Variants in ALK observed in about 807,000 individuals in gnomAD.
The protein encoded by ALK is ALK tyrosine kinase receptor.
Under a neutral mutation model 163.1 loss-of-function variants are expected in ALK, and 74 were observed. That is an observed-to-expected ratio of 0.45 (90% CI 0.38 to 0.55). ALK has a LOEUF of 0.55. Among genes scored for constraint, ALK ranks in the 20% least tolerant of loss-of-function variants. The pLI, the probability that ALK is intolerant of heterozygous loss-of-function variation, is 0.00. For synonymous variants in ALK, 960 were observed against 843.2 expected, an observed-to-expected ratio of 1.14 and a Z score of -2.40; for missense variants, 2,063 against 2,105.3, an observed-to-expected ratio of 0.98 and a Z score of 0.39.
At chr2:29,684,258 T>C (rs2148281241) in intron 3 of ALK, among the ~76,000 whole-genome samples, 1 of 152,234 alleles carries the variant, frequency 6.6e-6, no homozygotes, top group East Asian at 1.9e-4. Flanking sequence ...AGCTTCTTAA[T>C]ACGAGGAAGT....
chr2:29,265,054 C>A (rs1398983243), intron 11 of ALK, among the ~76,000 whole-genome samples: 1 of 152,066 alleles, frequency 6.6e-6, no homozygotes, highest in African/African-American at 2.4e-5. Flanking sequence ...GAGTCTTGCC[C>A]TGTCACCCAG....
At chr2:29,277,016 A>C (rs1471986012) in intron 9 of ALK, among the ~76,000 whole-genome samples, 3 of 152,198 alleles carry the variant, frequency 2.0e-5, no homozygotes, top group Admixed American at 1.3e-4. Context: ...GTTAGAAAAA[A>C]AGGAGAGAGA....
intron 4 of ALK, among the ~76,000 whole-genome samples, chr2:29,438,385 T>A (rs1289784314): frequency 7.4e-4 from 112 of 152,310 alleles, no homozygotes; most frequent in Non-Finnish European, 8.8e-5. Flanking sequence ...CCATAGCTAT[T>A]TGTTATTTAG....
chr2:29,871,951 G>A (rs1461408892), intron 1 of ALK, among the ~76,000 whole-genome samples: 1 of 152,166 alleles, frequency 6.6e-6, no homozygotes, highest in Non-Finnish European at 1.5e-5. Flanking sequence ...CTTCTAACAT[G>A]CCTTCCTGGC....
rs530107967 is a variant in ALK, at chr2:29,883,029, TGAAG to T, written c.667+36960_667+36963del. ...TTTATATTGATAGAGAATTTTTTCA[TGAAG>T]GAAGGAAGGAAGGGAGCAGAGGGTG... On this transcript the variant is annotated intron_variant, in intron 1 of 28. Transcript: ENST00000389048. Among the ~76,000 whole-genome samples, 154 of 148,532 alleles carry T rather than the reference TGAAG, an allele frequency of 1.0e-3. 1 individual carries two copies. The highest frequency in any genetic ancestry group is 4.2e-3 in the Admixed American group (62 of 14,758).
intron 3 of ALK, among the ~76,000 whole-genome samples, chr2:29,545,347 A>G (rs1185901375): frequency 6.6e-6 from 1 of 152,168 alleles, no homozygotes; most frequent in Non-Finnish European, 1.5e-5. Flanking sequence ...CTTATTGTTT[A>G]TTTTTCAAAC....
intron 3 of ALK, among the ~76,000 whole-genome samples, chr2:29,617,027 C>T (rs1443375173): frequency 6.6e-6 from 1 of 152,154 alleles, no homozygotes; most frequent in Non-Finnish European, 1.5e-5. Context: ...TGAATATCTA[C>T]TATGTGACAC....
At chr2:29,447,363 C>T (rs991092060) in intron 4 of ALK, among the ~76,000 whole-genome samples, 7 of 152,098 alleles carry the variant, frequency 4.6e-5, no homozygotes, top group South Asian at 4.1e-4. Flanking sequence ...GGGTAAGACG[C>T]GGACAGAGAG....
intron 1 of ALK, among the ~76,000 whole-genome samples, chr2:29,903,572 A>G (rs896901486): frequency 1.3e-5 from 2 of 152,068 alleles, no homozygotes; most frequent in Non-Finnish European, 2.9e-5. Context: ...TGGTCTATCA[A>G]TCAATTGATT....
chr2:29,385,883 C>A (rs142831070), intron 4 of ALK, among the ~76,000 whole-genome samples: 1 of 152,188 alleles, frequency 6.6e-6, no homozygotes, highest in Non-Finnish European at 1.5e-5. Flanking sequence ...CCAAAGCTAA[C>A]TCTGTGTACT....
intron 1 of ALK, among the ~76,000 whole-genome samples, chr2:29,871,743 T>C (rs1666583030): frequency 6.6e-6 from 1 of 152,200 alleles, no homozygotes; most frequent in Non-Finnish European, 1.5e-5. Context: ...CTATTTATTT[T>C]ACATAGGAGA....
chr2:29,324,681 C>T (rs1323986542), intron 6 of ALK, among the ~76,000 whole-genome samples: 1 of 152,176 alleles, frequency 6.6e-6, no homozygotes, highest in African/African-American at 2.4e-5. Flanking sequence ...TGGCCCCTTT[C>T]TAGGGAGCCA....
chr2:29,564,696 A>G (rs1674128412), intron 3 of ALK, among the ~76,000 whole-genome samples: 1 of 152,216 alleles, frequency 6.6e-6, no homozygotes, highest in South Asian at 2.1e-4. Context: ...CACTGAGGTC[A>G]TTATGCGTGA....
intron 23 of ALK, 63 bp downstream of exon 23, chr2:29,220,643 C>T (rs2148166099): frequency 1.2e-6 from 2 of 1,609,920 alleles, no homozygotes; most frequent in Non-Finnish European, 1.7e-6. Context: ...CCCACTCTTG[C>T]TCCTTCCATC....
chr2:29,531,763 C>T, intron 4 of ALK, 152 bp downstream of exon 4: 2 of 831,060 alleles, frequency 2.4e-6, no homozygotes, highest in South Asian at 2.9e-5. Flanking sequence ...AAGACACTAC[C>T]TAAGGGATAT....
chr2:29,444,612 C>T (rs1314235806), intron 4 of ALK, among the ~76,000 whole-genome samples: 1 of 152,138 alleles, frequency 6.6e-6, no homozygotes, highest in Non-Finnish European at 1.5e-5. Flanking sequence ...TTTACAATTG[C>T]ATCAGTAATT....
chr2:29,480,533 C>T (rs188380823), intron 4 of ALK, among the ~76,000 whole-genome samples: 1 of 152,122 alleles, frequency 6.6e-6, no homozygotes, highest in African/African-American at 2.4e-5. Context: ...GTGTATGGTC[C>T]TAGGTGATTG....
intron 1 of ALK, among the ~76,000 whole-genome samples, chr2:29,724,995 A>C (rs1679528648): frequency 6.6e-6 from 1 of 152,026 alleles, no homozygotes; most frequent in African/African-American, 2.4e-5. Flanking sequence ...AAGAGGACCC[A>C]TGTATAACTT....
At chr2:29,762,355 G>A (rs920793360) in intron 1 of ALK, among the ~76,000 whole-genome samples, 1 of 152,206 alleles carries the variant, frequency 6.6e-6, no homozygotes, top group Non-Finnish European at 1.5e-5. Flanking sequence ...CTGTTTGACA[G>A]TCAATTATCT....
Sources: allele counts gnomAD v4.1 joint callset (sites outside exome capture counted in the v4.1 genomes callset), GRCh38; gene constraint gnomAD v4.1.1; transcripts MANE v1.5; gene names NCBI Gene and HGNC (gene_info 2026-07-23, HGNC 2026-07-21).